Variants in SLC9A4 observed in about 807,000 individuals in gnomAD.
SLC9A4 encodes sodium/hydrogen exchanger 4.
A neutral mutation model predicts 67.4 loss-of-function variants in SLC9A4; 63 were observed. The ratio of observed to expected loss-of-function variants is 0.93; its 90% CI spans 0.76 to 1.15. The LOEUF (loss-of-function observed/expected upper bound fraction) is 1.15, where lower values mean the gene tolerates loss of function less well. SLC9A4 is among the 50% of genes most tolerant of loss of function. SLC9A4 has a pLI of 0.00. For synonymous variants in SLC9A4, 393 were observed against 367.2 expected (o/e 1.07, Z -0.80); for missense variants, 1,089 against 987.7 (o/e 1.10, Z -1.38).
At chr2:102,502,362 C>T (rs1049050897) in intron 2 of SLC9A4, among the ~76,000 whole-genome samples, 2 of 152,060 alleles carry the variant, frequency 1.3e-5, no homozygotes, top group African/African-American at 2.4e-5. Flanking sequence ...AGGCTAGAAT[C>T]GTTTGGGGGA....
chr2:102,495,469 C>A (rs186557332), intron 2 of SLC9A4, among the ~76,000 whole-genome samples: 63 of 152,094 alleles, frequency 4.1e-4, no homozygotes, highest in Non-Finnish European at 4.1e-4. Flanking sequence ...AAGAGCCCAT[C>A]AAAATCCCAG....
At chr2:102,504,932 T>C (rs1047463213) in intron 3 of SLC9A4, among the ~76,000 whole-genome samples, 1 of 91,786 alleles carries the variant, frequency 1.1e-5, no homozygotes, top group African/African-American at 4.5e-5. Flanking sequence ...AGAGTGTGAG[T>C]TGGGACTGAC....
intron 1 of SLC9A4, among the ~76,000 whole-genome samples, chr2:102,476,605 C>T (rs1238148326): frequency 2.0e-5 from 3 of 152,110 alleles, no homozygotes; most frequent in African/African-American, 4.8e-5. Flanking sequence ...ACACTATGGG[C>T]TCTTCCACCT....
intron 8 of SLC9A4, among the ~76,000 whole-genome samples, chr2:102,519,312 T>C (rs1295617814): frequency 6.6e-6 from 1 of 152,242 alleles, no homozygotes; most frequent in Non-Finnish European, 1.5e-5. Flanking sequence ...ACAATTCCAA[T>C]ATAAATGTAC....
At chr2:102,488,041 G>A (rs737231) in intron 2 of SLC9A4, among the ~76,000 whole-genome samples, 77,762 of 151,982 alleles carry the variant, frequency 0.51, 20,247 homozygotes, top group Admixed American at 0.58. Context: ...TATTTTATTA[G>A]AATCCTTTCT....
In SLC9A4 at chr2:102,500,103, C is replaced by T. The variant is rs189708399; in HGVS notation, c.721-3345C>T. ...TCTTTACAGTTATCCTTATTGAAGG[C>T]GAGCTCGCACTGGACTATGGTGGGC... On this transcript the variant is annotated intron_variant, in intron 2 of 11. Coordinates refer to ENST00000295269, the MANE Select transcript of SLC9A4 (RefSeq NM_001011552.4). 4.0e-3 allele frequency among the ~76,000 whole-genome samples: 610 copies of T among 152,270 alleles called. 3 individuals carry two copies. Among genetic ancestry groups the T allele is most frequent in the African/African-American group, 0.011 (451 of 41,552 alleles).
Position 102,509,008 on chromosome 2 carries a change from G to A in SLC9A4, c.1488+75G>A, listed in dbSNP as rs558782107. On this transcript the variant is annotated intron_variant, in intron 6 of 11. Coordinates refer to ENST00000295269, the MANE Select transcript of SLC9A4 (RefSeq NM_001011552.4). ...TTGTCACCATGAGACATGTGCACGTGTCACTAGACTTCCTCTTTCCTTCCC... is the reference window on the plus strand; with the variant it reads ...TTGTCACCATGAGACATGTGCACGTATCACTAGACTTCCTCTTTCCTTCCC... The A allele has an allele frequency of 3.7e-4, 432 of 1,179,860 alleles. 2 individuals carry two copies. Among genetic ancestry groups the A allele is most frequent in the South Asian group, 4.9e-4 (35 of 71,382 alleles). The allele number at this position is 1,179,860 out of a possible 1,614,324, so 73.1% of individuals were successfully genotyped here. A position where few individuals can be genotyped will look rare whatever the true frequency, so the allele number is the denominator to read the frequency against.
intron 2 of SLC9A4, among the ~76,000 whole-genome samples, chr2:102,490,632 A>G (rs1684675824): frequency 1.3e-5 from 2 of 152,214 alleles, no homozygotes; most frequent in Admixed American, 6.5e-5. Flanking sequence ...AGAGGGGGGC[A>G]TGATTCAACC....
chr2:102,482,757 A>T (rs1684492488), intron 2 of SLC9A4, among the ~76,000 whole-genome samples: 1 of 152,250 alleles, frequency 6.6e-6, no homozygotes, highest in Non-Finnish European at 1.5e-5. Context: ...TGAAGCAATT[A>T]TTCAACCTCT....
chr2:102,474,182 C>G (rs1422141376), intron 1 of SLC9A4, among the ~76,000 whole-genome samples, 167 bp downstream of exon 1: 1 of 152,142 alleles, frequency 6.6e-6, no homozygotes, highest in Non-Finnish European at 1.5e-5. Flanking sequence ...TTTTACTAAG[C>G]TATTTAATAC....
rs1674809856 is a variant in SLC9A4, at chr2:102,532,921, A to C, written c.*233A>C. 1 of 441,286 alleles carries C rather than the reference A, an allele frequency of 2.3e-6. No individual in the cohort carries two copies. The highest frequency in any genetic ancestry group is 6.3e-4 in the Middle Eastern group (1 of 1,590). The allele number at this position is 441,286 out of a possible 1,614,324, so 27.3% of individuals were successfully genotyped here. ...TAGATGAATTCCCTGTGAGTGAGAG[A>C]AGTTGATCACCCCAGGAATTAGTCA... On this transcript the variant is annotated 3_prime_UTR_variant, in exon 12 of 12. Coordinates refer to ENST00000295269, the MANE Select transcript of SLC9A4 (RefSeq NM_001011552.4).
intron 10 of SLC9A4, among the ~76,000 whole-genome samples, chr2:102,525,916 C>T (rs1674653838): frequency 6.6e-6 from 1 of 152,164 alleles, no homozygotes; most frequent in South Asian, 2.1e-4. Flanking sequence ...CAGAGTCTCG[C>T]TCTGTCACCC....
At chr2:102,491,411 G>A (rs2104423162) in intron 2 of SLC9A4, among the ~76,000 whole-genome samples, 1 of 136,114 alleles carries the variant, frequency 7.3e-6, no homozygotes, top group Admixed American at 8.5e-5. Flanking sequence ...AGGTTTCATG[G>A]ACTCAAGCAC....
chr2:102,474,858 C>T (rs1198973621), intron 1 of SLC9A4, among the ~76,000 whole-genome samples: 4 of 152,136 alleles, frequency 2.6e-5, no homozygotes, highest in Non-Finnish European at 5.9e-5. Flanking sequence ...ATGTAGATTG[C>T]CTTATTGAGA....
At chr2:102,486,961 A>G (rs1056271897) in intron 2 of SLC9A4, among the ~76,000 whole-genome samples, 1 of 152,184 alleles carries the variant, frequency 6.6e-6, no homozygotes, top group Non-Finnish European at 1.5e-5. Context: ...TTGGGTGCCT[A>G]GGGAGTGAAC....
chr2:102,510,398 A>G (rs1685143064), intron 6 of SLC9A4, among the ~76,000 whole-genome samples: 1 of 152,194 alleles, frequency 6.6e-6, no homozygotes, highest in African/African-American at 2.4e-5. Context: ...CATCCAGAAG[A>G]GCAGGCTGGA....
chr2:102,514,329 G>C (rs941043976), intron 8 of SLC9A4, 78 bp downstream of exon 8: 1 of 917,544 alleles, frequency 1.1e-6, no homozygotes, highest in South Asian at 2.3e-5. Flanking sequence ...CTCATTTAAA[G>C]GTATACGAGG....
At chr2:102,509,920 G>T (rs1558668596) in intron 6 of SLC9A4, among the ~76,000 whole-genome samples, 1 of 152,036 alleles carries the variant, frequency 6.6e-6, no homozygotes, top group East Asian at 1.9e-4. Flanking sequence ...AGCTCTATTT[G>T]GTTCCAAGGG....
chr2:102,503,906 ATCT>A (rs1455038422), intron 3 of SLC9A4, among the ~76,000 whole-genome samples, 199 bp downstream of exon 3: 6 of 152,186 alleles, frequency 3.9e-5, no homozygotes, highest in Non-Finnish European at 8.8e-5. Context: ...GCCTGCCTTC[ATCT>A]TCTTGTGATT....
Sources: allele counts gnomAD v4.1 joint callset (sites outside exome capture counted in the v4.1 genomes callset), GRCh38; gene constraint gnomAD v4.1.1; transcripts MANE v1.5; gene names NCBI Gene and HGNC (gene_info 2026-07-23, HGNC 2026-07-21).